The following MAK variants were observed in gnomAD, a reference collection of about 807,000 sequenced individuals.
MAK encodes serine/threonine-protein kinase MAK.
MAK carries 65 observed loss-of-function variants against 82.6 expected under a neutral mutation model. The observed-to-expected ratio is 0.79, with a 90% confidence interval of 0.64 to 0.97. MAK has a LOEUF of 0.97. MAK is among the 50% of genes least tolerant of loss of function. MAK has a pLI of 0.00. For synonymous variants in MAK, 250 were observed against 274.2 expected (o/e 0.91, Z 0.87); for missense variants, 703 against 780.2 (o/e 0.90, Z 1.18).
At chr6:10,804,448 T>C (rs188484953) in intron 6 of MAK, among the ~76,000 whole-genome samples, 2 of 152,314 alleles carry the variant, frequency 1.3e-5, no homozygotes, top group East Asian at 3.9e-4. Context: ...GTTCAAGTGA[T>C]TATCCTGCCT....
chr6:10,781,695 A>T (rs148674374), intron 11 of MAK, among the ~76,000 whole-genome samples: 2,221 of 152,236 alleles, frequency 0.015, 62 homozygotes, highest in African/African-American at 0.051. Context: ...AAGTGCTGGG[A>T]TTACAGGCAT....
intron 1 of MAK, among the ~76,000 whole-genome samples, chr6:10,833,309 T>C (rs879628898): frequency 4.6e-5 from 7 of 152,152 alleles, no homozygotes; most frequent in Admixed American, 3.9e-4. Context: ...GGGCTTTTAA[T>C]AATACGGAGT....
At chr6:10,784,823 T>C in intron 10 of MAK, 1 of 629,216 alleles carries the variant, frequency 1.6e-6, no homozygotes, top group South Asian at 1.5e-5. Context: ...AATTTACTTG[T>C]GTGTAACATG....
At chr6:10,799,416 A>G (rs1184868020) in intron 8 of MAK, among the ~76,000 whole-genome samples, 1 of 152,120 alleles carries the variant, frequency 6.6e-6, no homozygotes, top group African/African-American at 2.4e-5. Context: ...CATTTGAAAA[A>G]CTTATTATGT....
intron 1 of MAK, among the ~76,000 whole-genome samples, chr6:10,835,462 G>A (rs913469907): frequency 1.3e-5 from 2 of 152,190 alleles, no homozygotes; most frequent in African/African-American, 2.4e-5. Flanking sequence ...GTTTTACCAC[G>A]TTGGCCAGGC....
At chr6:10,836,599 A>G (rs895457476) in intron 1 of MAK, among the ~76,000 whole-genome samples, 1 of 152,236 alleles carries the variant, frequency 6.6e-6, no homozygotes, top group Non-Finnish European at 1.5e-5. Flanking sequence ...ATGGTTCTCC[A>G]GTTCACGCAC....
chr6:10,803,634 A>G, intron 7 of MAK, 86 bp downstream of exon 7: 2 of 1,174,412 alleles, frequency 1.7e-6, no homozygotes, highest in South Asian at 2.6e-5. Context: ...CAAAAGTTGT[A>G]AATAATCAAA....
rs747001577 is a variant in MAK at position 10,796,324 on chromosome 6, AG to A, written c.832-16del. On this transcript the variant is annotated splice_polypyrimidine_tract_variant and intron_variant, in intron 8 of 14. Coordinates refer to ENST00000354489, the MANE Select transcript of MAK (RefSeq NM_001242957.3). ...TGTTTCAATGCCTATAAAAACACAG[AG>A]AAAACAACAAATGGAAAACAGTTCC... 5 of 1,601,570 alleles carry A rather than the reference AG, an allele frequency of 3.1e-6. No individual in the cohort carries two copies. The highest frequency in any genetic ancestry group is 4.3e-6 in the Non-Finnish European group (5 of 1,172,034).
chr6:10,815,924 A>G (rs796124077), intron 4 of MAK, among the ~76,000 whole-genome samples: 52 of 36,332 alleles, frequency 1.4e-3, no homozygotes, highest in East Asian at 4.5e-3. Context: ...ATATATATAT[A>G]TATATATATA....
chr6:10,765,471 T>TTTTTTTTTTTA (rs1561923828), intron 14 of MAK, among the ~76,000 whole-genome samples: 23 of 115,060 alleles, frequency 2.0e-4, no homozygotes, highest in African/African-American at 7.8e-4. Flanking sequence ...TTTTTTTTTT[T>TTTTTTTTTTTA]TTAATGAGGC....
intron 5 of MAK, among the ~76,000 whole-genome samples, chr6:10,812,820 A>G (rs958934130): frequency 1.3e-5 from 2 of 151,378 alleles, no homozygotes; most frequent in Admixed American, 6.6e-5. Context: ...CTGGAGTGCA[A>G]TGCCACAATA....
chr6:10,829,231 T>C (rs145560407), intron 2 of MAK: 91 of 152,356 alleles, frequency 6.0e-4, no homozygotes, highest in African/African-American at 2.0e-3. Flanking sequence ...TATTTTGTTA[T>C]GCAGCAATAG....
At chr6:10,817,812 G>T in intron 4 of MAK, 38 bp downstream of exon 4, 1 of 1,444,178 alleles carries the variant, frequency 6.9e-7, no homozygotes, top group Non-Finnish European at 9.5e-7. Flanking sequence ...AAGAACTCAT[G>T]GAGAGAATAA....
At chr6:10,827,095 G>A (rs1255249451) in intron 2 of MAK, among the ~76,000 whole-genome samples, 2 of 152,122 alleles carry the variant, frequency 1.3e-5, no homozygotes, top group Non-Finnish European at 2.9e-5. Flanking sequence ...TGGCAACAGA[G>A]CAAGAATCCA....
intron 8 of MAK, among the ~76,000 whole-genome samples, chr6:10,797,180 C>T (rs988218407): frequency 1.4e-4 from 22 of 151,962 alleles, no homozygotes; most frequent in African/African-American, 5.1e-4. Flanking sequence ...TTTATTTCAT[C>T]GGTATACCAG....
At chr6:10,808,074 AAAAG>A (rs1256806872) in intron 6 of MAK, among the ~76,000 whole-genome samples, 2 of 152,128 alleles carry the variant, frequency 1.3e-5, no homozygotes, top group Non-Finnish European at 1.5e-5. Context: ...TCTCAAAAAA[AAAAG>A]AAAGACATGC....
At chr6:10,791,594 G>A in intron 10 of MAK, 81 bp downstream of exon 10, 1 of 1,310,436 alleles carries the variant, frequency 7.6e-7, no homozygotes. Context: ...TTCTTTTAGG[G>A]TCTACATGCA....
chr6:10,806,530 T>G (rs998126802), intron 6 of MAK, among the ~76,000 whole-genome samples: 17 of 115,340 alleles, frequency 1.5e-4, no homozygotes, highest in Non-Finnish European at 2.4e-4. Context: ...TTTTTTTTTT[T>G]GTATATTTAG....
intron 6 of MAK, among the ~76,000 whole-genome samples, chr6:10,805,254 A>G (rs538156924): frequency 6.6e-6 from 1 of 152,308 alleles, no homozygotes; most frequent in South Asian, 2.1e-4. Flanking sequence ...TATAGCTTAC[A>G]TGTATTTCAA....
Sources: allele counts gnomAD v4.1 joint callset (sites outside exome capture counted in the v4.1 genomes callset), GRCh38; gene constraint gnomAD v4.1.1; transcripts MANE v1.5; gene names NCBI Gene and HGNC (gene_info 2026-07-23, HGNC 2026-07-21).